Variants in ADAM12 observed in about 807,000 individuals in gnomAD.
ADAM12 encodes the protein ADAM metallopeptidase domain 12.
ADAM12 carries 70 observed loss-of-function variants against 106.4 expected under a neutral mutation model. The observed-to-expected ratio is 0.66, with a 90% CI of 0.54 to 0.80. The LOEUF (loss-of-function observed/expected upper bound fraction) is 0.80. Among genes scored for constraint, ADAM12 ranks in the 30% least tolerant of loss-of-function variants. ADAM12 has a pLI of 0.00. For synonymous variants in ADAM12, 420 were observed against 433.5 expected (o/e 0.97, Z 0.39); for missense variants, 1,010 against 1,171.9 (o/e 0.86, Z 2.02).
At chr10:126,166,984 G>C (rs1373265774) in intron 3 of ADAM12, among the ~76,000 whole-genome samples, 1 of 152,200 alleles carries the variant, frequency 6.6e-6, no homozygotes, top group Non-Finnish European at 1.5e-5. Context: ...TAGTAGGTCA[G>C]CTTACGTTGC....
chr10:126,036,327 T>C lies in ADAM12; in HGVS notation c.2350-2A>G. The C allele has an allele frequency of 6.4e-7, 1 of 1,567,558 alleles. No homozygotes were observed. Among genetic ancestry groups the C allele is most frequent in the Non-Finnish European group, 8.6e-7 (1 of 1,163,062 alleles). The stretch of plus-strand genomic sequence containing the variant: ...CTGCAGCAATCTCCTGGGATTGTCC[T>C]GTACAGTCAAAGTAAAAAGCCATGC... On this transcript the variant is annotated splice_acceptor_variant, in intron 20 of 22. Coordinates refer to ENST00000448723, the MANE Select transcript of ADAM12 (RefSeq NM_001288973.2). LOFTEE classifies it high-confidence loss of function.
intron 5 of ADAM12, among the ~76,000 whole-genome samples, chr10:126,118,467 G>C (rs747101797): frequency 6.6e-6 from 1 of 152,200 alleles, no homozygotes; most frequent in Admixed American, 6.5e-5. Flanking sequence ...AAAGAATACA[G>C]TGCATTTTGC....
At chr10:126,326,999 C>G (rs1854326557) in intron 2 of ADAM12, among the ~76,000 whole-genome samples, 1 of 152,182 alleles carries the variant, frequency 6.6e-6, no homozygotes, top group Non-Finnish European at 1.5e-5. Flanking sequence ...CACTTTTTAG[C>G]CCAAAGTGCT....
At chr10:126,039,791 C>T (rs1954127978) in intron 18 of ADAM12, among the ~76,000 whole-genome samples, 1 of 151,910 alleles carries the variant, frequency 6.6e-6, no homozygotes, top group Non-Finnish European at 1.5e-5. Context: ...TCACAGCCAT[C>T]CCCAGGCTCA....
At chr10:126,027,659 A>G (rs1259650693) in intron 21 of ADAM12, among the ~76,000 whole-genome samples, 1 of 152,192 alleles carries the variant, frequency 6.6e-6, no homozygotes, top group East Asian at 1.9e-4. Flanking sequence ...CTTCAATAAA[A>G]TTCACCCCAT....
intron 3 of ADAM12, among the ~76,000 whole-genome samples, chr10:126,200,492 C>T (rs1957678232): frequency 1.3e-5 from 2 of 152,162 alleles, no homozygotes; most frequent in African/African-American, 4.8e-5. Context: ...CTCCTGTCTC[C>T]ATCTCCCACT....
chr10:126,157,071 T>C (rs1366819952), intron 3 of ADAM12, among the ~76,000 whole-genome samples: 1 of 152,088 alleles, frequency 6.6e-6, no homozygotes, highest in African/African-American at 2.4e-5. Context: ...GAGATGAACA[T>C]GTGACCCAAG....
rs549609769 is a variant in ADAM12 at position 126,165,746 on chromosome 10, G to A, written c.261-10441C>T. ...AACAAACCAAATTCCGTATTTTTCT[G>A]AAATATTTTTTCCTCCATGTTGGAA... On this transcript the variant is annotated intron_variant, in intron 3 of 22. Transcript: ENST00000448723. 2.0e-5 allele frequency among the ~76,000 whole-genome samples: 3 copies of A among 152,298 alleles called. No homozygotes were observed. The East Asian group carries it at 5.8e-4, about 29-fold the overall frequency.
At chr10:126,293,237 T>C (rs1276034795) in intron 2 of ADAM12, among the ~76,000 whole-genome samples, 1 of 152,134 alleles carries the variant, frequency 6.6e-6, no homozygotes, top group Non-Finnish European at 1.5e-5. Context: ...AGGGGAGAAA[T>C]ACCAGGAAAA....
intron 3 of ADAM12, among the ~76,000 whole-genome samples, chr10:126,188,513 T>G (rs2133797665): frequency 6.6e-6 from 1 of 152,274 alleles, no homozygotes. Flanking sequence ...ATGCATTTGG[T>G]GGGCACAAGG....
intron 10 of ADAM12, among the ~76,000 whole-genome samples, chr10:126,094,607 G>A (rs1280275567): frequency 6.6e-6 from 1 of 152,228 alleles, no homozygotes; most frequent in Non-Finnish European, 1.5e-5. Context: ...AGCCCTGAGA[G>A]GTTGTCATTG....
At chr10:126,120,093 C>T (rs1956058126) in intron 5 of ADAM12, among the ~76,000 whole-genome samples, 1 of 152,118 alleles carries the variant, frequency 6.6e-6, no homozygotes, top group Non-Finnish European at 1.5e-5. Flanking sequence ...TGGAAATGGA[C>T]CCTTCTAATA....
chr10:126,176,389 C>T (rs569628396), intron 3 of ADAM12, among the ~76,000 whole-genome samples: 1 of 152,218 alleles, frequency 6.6e-6, no homozygotes, highest in South Asian at 2.1e-4. Flanking sequence ...ATGAGGCCTC[C>T]TAGGGTATTC....
intron 3 of ADAM12, among the ~76,000 whole-genome samples, chr10:126,169,454 T>C (rs1359123794): frequency 6.6e-6 from 1 of 152,210 alleles, no homozygotes; most frequent in Non-Finnish European, 1.5e-5. Context: ...TGGAACTTAG[T>C]AGATGCTCAA....
At position 126,039,315 on chromosome 10, in the gene ADAM12, T is replaced by G. The variant is rs550654128; in HGVS notation, c.2219A>C (p.Lys740Thr). Reference sequence around the variant, plus strand: ...GTACCTTAGTTTTTCAATGGTGGTCTTCTTATTTGTAAACAGCAGTCGTAT... The same window carrying G: ...GTACCTTAGTTTTTCAATGGTGGTCGTCTTATTTGTAAACAGCAGTCGTAT... ...TLIRLLFTNK[K>T]TTIEKLRCVR... The change falls in exon 19 of 23, where the codon AAG becomes ACG. Residue 740 changes from lysine to threonine, a missense_variant. Physicochemically the swap from Lys to Thr is moderately conservative, Grantham distance 78. Coordinates refer to ENST00000448723, the MANE Select transcript of ADAM12 (RefSeq NM_001288973.2). 2.4e-5 allele frequency: 39 copies of G among 1,613,966 alleles called. No homozygotes were observed. The South Asian group carries it at 3.1e-4, about 13-fold the overall frequency.
chr10:126,306,996 T>C (rs180742878), intron 2 of ADAM12, among the ~76,000 whole-genome samples: 1 of 152,342 alleles, frequency 6.6e-6, no homozygotes, highest in African/African-American at 2.4e-5. Flanking sequence ...TCCAGTTATA[T>C]GTAGTTACAC....
chr10:126,135,455 A>T, intron 5 of ADAM12, 129 bp downstream of exon 5: 2 of 831,580 alleles, frequency 2.4e-6, no homozygotes, highest in South Asian at 3.2e-5. Flanking sequence ...TCTCTTGCCT[A>T]GGTGGAGGTG....
Position 126,231,423 on chromosome 10 carries a change from T to C in ADAM12, c.260+47492A>G, listed in dbSNP as rs1958308545. On this transcript the variant is annotated intron_variant, in intron 3 of 22. Transcript: ENST00000448723. ...AAAAAAGCACCAGCTATTGGGTCCT[T>C]TATACCATACGAATGTCTTAATAAT... 2.0e-5 allele frequency among the ~76,000 whole-genome samples: 3 copies of C among 151,648 alleles called. 1 individual carries two copies. In the South Asian group the frequency reaches 6.2e-4, roughly 31 times the overall value.
At chr10:126,375,384 G>C (rs1310669770) in intron 1 of ADAM12, among the ~76,000 whole-genome samples, 1 of 152,056 alleles carries the variant, frequency 6.6e-6, no homozygotes, top group Non-Finnish European at 1.5e-5. Context: ...CTTTTTTGAT[G>C]AGAGATGGGT....
Sources: allele counts gnomAD v4.1 joint callset (sites outside exome capture counted in the v4.1 genomes callset), GRCh38; gene constraint gnomAD v4.1.1; transcripts MANE v1.5; gene names NCBI Gene and HGNC (gene_info 2026-07-23, HGNC 2026-07-21).